The following TBCE variants were observed in gnomAD, a reference collection of about 807,000 sequenced individuals.
The protein encoded by TBCE is tubulin-specific chaperone E.
TBCE carries 53 observed loss-of-function variants against 77.0 expected under a neutral mutation model. The ratio of observed to expected loss-of-function variants is 0.69; its 90% confidence interval spans 0.55 to 0.87. The LOEUF is 0.87. Among genes scored for constraint, TBCE ranks in the 40% least tolerant of loss-of-function variants. TBCE has a pLI of 0.00. For missense variants in TBCE, 624 were observed against 622.4 expected (o/e 1.00, Z -0.03); for synonymous variants, 235 against 241.3 (o/e 0.97, Z 0.24).
intron 15 of TBCE, among the ~76,000 whole-genome samples, chr1:235,446,601 G>A (rs1178323153): frequency 6.6e-6 from 1 of 151,774 alleles, no homozygotes; most frequent in African/African-American, 2.4e-5. Context: ...TTTTCTGAAT[G>A]TTAAGACAGT....
intron 7 of TBCE, chr1:235,433,131 G>T: frequency 6.8e-7 from 1 of 1,477,754 alleles, no homozygotes; most frequent in Non-Finnish European, 9.0e-7. Flanking sequence ...TTAACAGCCA[G>T]TTTAAAACCT....
intron 15 of TBCE, among the ~76,000 whole-genome samples, chr1:235,447,982 G>A (rs1469221295): frequency 1.3e-5 from 2 of 152,046 alleles, no homozygotes; most frequent in African/African-American, 2.4e-5. Context: ...GGGCCAGGGC[G>A]GGCGGATCAC....
chr1:235,374,805 T>G lies in TBCE; in HGVS notation c.-31-5214T>G, dbSNP rs187943409. ...TGTGAGCTACTGTGCCCAGCTGGCC[T>G]TCCACATTTAAATGTTGTCTGGGAA... On this transcript the variant is annotated intron_variant, in intron 1 of 16. Coordinates refer to ENST00000642610, the MANE Select transcript of TBCE (RefSeq NM_003193.5). 2.8e-3 allele frequency among the ~76,000 whole-genome samples: 410 copies of G among 145,088 alleles called. 38 individuals carry two copies. The Middle Eastern group carries it at 0.032, about 11-fold the overall frequency.
chr1:235,392,410 T>TC (rs1553332821), intron 2 of TBCE, among the ~76,000 whole-genome samples: 1 of 15,706 alleles, frequency 6.4e-5, no homozygotes. Flanking sequence ...ATTTTTTTTT[T>TC]TTTTTTTTTT....
chr1:235,394,599 T>A (rs984501183), intron 2 of TBCE, among the ~76,000 whole-genome samples: 3 of 151,556 alleles, frequency 2.0e-5, no homozygotes, highest in African/African-American at 7.3e-5. Flanking sequence ...CCCAGCTAAT[T>A]TTTTGTATTT....
intron 15 of TBCE, 146 bp downstream of exon 15, chr1:235,443,057 C>CTG: frequency 1.2e-6 from 1 of 803,540 alleles, no homozygotes; most frequent in Non-Finnish European, 2.1e-6. Flanking sequence ...TTCTAAAATA[C>CTG]AATCAATCAT....
At chr1:235,376,645 C>T (rs1677314440) in intron 1 of TBCE, among the ~76,000 whole-genome samples, 1 of 152,064 alleles carries the variant, frequency 6.6e-6, no homozygotes, top group Non-Finnish European at 1.5e-5. Flanking sequence ...ATAAATTCCC[C>T]ATGCCTGGTC....
At chr1:235,437,824 T>TAAA (rs746812435) in intron 12 of TBCE, among the ~76,000 whole-genome samples, 2 of 137,464 alleles carry the variant, frequency 1.5e-5, no homozygotes, top group African/African-American at 2.7e-5. Flanking sequence ...TGTCTTAATT[T>TAAA]AAAAAAAAAA....
In TBCE at chr1:235,373,860, A is replaced by G. The variant is rs1215364056; in HGVS notation, c.-31-6159A>G. Among the ~76,000 whole-genome samples the G allele has an allele frequency of 2.3e-4, 34 of 145,726 alleles. 4 individuals are homozygous for G. Among genetic ancestry groups the G allele is most frequent in the Admixed American group, 1.1e-3 (16 of 14,722 alleles). On this transcript the variant is annotated intron_variant, in intron 1 of 16. Transcript: ENST00000642610. Reference sequence around the variant, plus strand: ...GAGACGGTGTTTCACCGTGTTAGCCAGGATGGTCTCGATCTCCTGACCTCG... The same window carrying G: ...GAGACGGTGTTTCACCGTGTTAGCCGGGATGGTCTCGATCTCCTGACCTCG...
intron 4 of TBCE, 62 bp downstream of exon 4, chr1:235,414,680 A>G: frequency 6.5e-7 from 1 of 1,531,806 alleles, no homozygotes; most frequent in Non-Finnish European, 9.0e-7. Context: ...CAGAATTGAA[A>G]TACCCATGAC....
At chr1:235,370,317 G>A (rs1042046143) in intron 1 of TBCE, among the ~76,000 whole-genome samples, 1 of 147,246 alleles carries the variant, frequency 6.8e-6, no homozygotes, top group South Asian at 2.1e-4. Flanking sequence ...GCAGTGGTAC[G>A]TTCTCGGCTC....
At chr1:235,386,332 C>CT (rs557726078) in intron 2 of TBCE, among the ~76,000 whole-genome samples, 11 of 152,200 alleles carry the variant, frequency 7.2e-5, no homozygotes, top group Admixed American at 3.3e-4. Context: ...TTTTCTGAAT[C>CT]TGATTGTTGG....
rs1297068312 is a variant in TBCE at position 235,367,485 on chromosome 1, C to T, written c.-51C>T. On this transcript the variant is annotated 5_prime_UTR_variant, in exon 1 of 17. Coordinates refer to ENST00000642610, the MANE Select transcript of TBCE (RefSeq NM_003193.5). ...GCTGGAGGGGCTGCTGCTGGGAACA[C>T]CTGGAGTCTCCGCGGGCAGGTGAGC... 6.5e-6 allele frequency: 1 copy of T among 153,038 alleles called. No homozygotes were observed. Among genetic ancestry groups the T allele is most frequent in the African/African-American group, 2.4e-5 (1 of 41,476 alleles). 9.5% of individuals were successfully genotyped at this position (153,038 alleles called of 1,614,324 possible). A position where few individuals can be genotyped will look rare whatever the true frequency, so the allele number is the denominator to read the frequency against.
chr1:235,448,940 A>G lies in TBCE; in HGVS notation c.*178A>G. ...GACCATTTCTAGGCTTATACATAAT[A>G]GCAATAATAAAGGCTTTGAACCTAC... On this transcript the variant is annotated 3_prime_UTR_variant, in exon 17 of 17. Coordinates refer to ENST00000642610, the MANE Select transcript of TBCE (RefSeq NM_003193.5). The G allele has an allele frequency of 1.7e-6, 1 of 574,326 alleles. No individual in the cohort carries two copies. The highest frequency in any genetic ancestry group is 3.2e-5 in the East Asian group (1 of 30,876). 35.6% of individuals were successfully genotyped at this position (574,326 alleles called of 1,614,324 possible).
At chr1:235,372,070 C>A (rs1262526451) in intron 1 of TBCE, among the ~76,000 whole-genome samples, 2 of 152,174 alleles carry the variant, frequency 1.3e-5, no homozygotes, top group Admixed American at 6.6e-5. Context: ...CAGCCTCGAA[C>A]TCCTGGGCTC....
intron 12 of TBCE, among the ~76,000 whole-genome samples, chr1:235,438,238 G>A (rs917182720): frequency 3.9e-5 from 6 of 152,196 alleles, no homozygotes; most frequent in South Asian, 4.1e-4. Flanking sequence ...TGGCCTATGC[G>A]CAAGTACTCG....
chr1:235,405,631 G>C (rs1365763879), intron 3 of TBCE, among the ~76,000 whole-genome samples: 1 of 150,438 alleles, frequency 6.6e-6, no homozygotes, highest in African/African-American at 2.4e-5. Flanking sequence ...GTGAAACTGT[G>C]TCTCAAAAAA....
intron 1 of TBCE, among the ~76,000 whole-genome samples, chr1:235,370,905 CTCT>C (rs1676895328): frequency 6.6e-6 from 1 of 151,084 alleles, no homozygotes; most frequent in African/African-American, 2.4e-5. Flanking sequence ...CCACGCCCAG[CTCT>C]TTTTTGTATT....
chr1:235,435,855 A>C lies in TBCE; in HGVS notation c.833+15A>C. The C allele has an allele frequency of 6.2e-7, 1 of 1,602,010 alleles. No individual in the cohort carries two copies. The highest frequency in any genetic ancestry group is 1.7e-5 in the Admixed American group (1 of 60,010). On this transcript the variant is annotated intron_variant, in intron 9 of 16. Coordinates refer to ENST00000642610, the MANE Select transcript of TBCE (RefSeq NM_003193.5). Reference sequence around the variant, plus strand: ...CACCTGCCCAGGTAATTTGCCCCTAAATGCCTGATACAATAGTGTTCAGTC... The same window carrying C: ...CACCTGCCCAGGTAATTTGCCCCTACATGCCTGATACAATAGTGTTCAGTC...
Sources: gnomAD v4.1 joint callset for allele counts (sites outside exome capture counted in the v4.1 genomes callset) on GRCh38, gnomAD v4.1.1 for gene constraint, MANE v1.5 for transcripts, NCBI Gene and HGNC (gene_info 2026-07-23, HGNC 2026-07-21) for gene names.